Variants in PXDNL observed in about 807,000 individuals in gnomAD.
PXDNL encodes the protein probable oxidoreductase PXDNL.
PXDNL carries 145 observed loss-of-function variants against 150.8 expected under a neutral mutation model. The observed-to-expected ratio is 0.96, with a 90% confidence interval of 0.84 to 1.10. The LOEUF is 1.10. PXDNL is among the 50% of genes least tolerant of loss of function. The pLI, the probability that PXDNL is intolerant of heterozygous loss-of-function variation, is 0.00. For synonymous variants in PXDNL, 757 were observed against 725.7 expected (o/e 1.04, Z -0.69); for missense variants, 2,087 against 1,873.9 (o/e 1.11, Z -2.10).
intron 4 of PXDNL, among the ~76,000 whole-genome samples, chr8:51,549,040 G>A (rs902212895): frequency 3.3e-5 from 5 of 152,016 alleles, no homozygotes; most frequent in Non-Finnish European, 5.9e-5. Context: ...TCTTACATCA[G>A]ACAAAACACA....
intron 8 of PXDNL, among the ~76,000 whole-genome samples, chr8:51,458,595 A>G (rs746632645): frequency 3.3e-5 from 5 of 152,200 alleles, no homozygotes; most frequent in Non-Finnish European, 5.9e-5. Context: ...GTCACCCATA[A>G]AAACATCATT....
At chr8:51,641,633 A>C (rs1814758174) in intron 2 of PXDNL, among the ~76,000 whole-genome samples, 1 of 151,330 alleles carries the variant, frequency 6.6e-6, no homozygotes, top group Non-Finnish European at 1.5e-5. Flanking sequence ...CATCAGAGAA[A>C]TGCAAATCAA....
chr8:51,476,047 T>C (rs555560137), intron 6 of PXDNL, among the ~76,000 whole-genome samples: 163 of 152,158 alleles, frequency 1.1e-3, no homozygotes, highest in Non-Finnish European at 1.9e-3. Context: ...CAGTGAGCTA[T>C]GAAGGCACCA....
Position 51,447,035 on chromosome 8 carries a change from C to A in PXDNL, c.1494G>T (p.Lys498Asn), listed in dbSNP as rs1196196559. 1 of 1,613,638 alleles carries A rather than the reference C, an allele frequency of 6.2e-7. No individual in the cohort carries two copies. Among genetic ancestry groups the A allele is most frequent in the Non-Finnish European group, 8.5e-7 (1 of 1,179,828 alleles). ...CQAVSSLGVK[K>N]VSVQLTVKPK... ...GTTTTACAGTCAGCTGCACAGACACCTTTTTCACCCCCAACGAACTGACTG... is the reference window on the plus strand; with the variant it reads ...GTTTTACAGTCAGCTGCACAGACACATTTTTCACCCCCAACGAACTGACTG... The change falls in exon 12 of 23, where the codon AAG becomes AAT. Residue 498 changes from lysine (K) to asparagine (N), a missense_variant. Physicochemically the swap from Lys to Asn is moderately conservative, Grantham distance 94. Transcript: ENST00000356297.
In PXDNL at chr8:51,780,556, C is replaced by T. The variant is rs368382552; in HGVS notation, c.164+28625G>A. On this transcript the variant is annotated intron_variant, in intron 1 of 22. Coordinates refer to ENST00000356297, the MANE Select transcript of PXDNL (RefSeq NM_144651.5). Reference sequence around the variant, plus strand: ...GCTGCTGTAATAAACTACTACCATACGCTGAGTAGCTTATAAACGCATCTT... The same window carrying T: ...GCTGCTGTAATAAACTACTACCATATGCTGAGTAGCTTATAAACGCATCTT... 2.1e-3 allele frequency among the ~76,000 whole-genome samples: 317 copies of T among 151,582 alleles called. 2 individuals carry two copies. Among genetic ancestry groups the T allele is most frequent in the African/African-American group, 7.2e-3 (299 of 41,348 alleles).
intron 2 of PXDNL, among the ~76,000 whole-genome samples, chr8:51,600,988 CTT>C (rs532789480): frequency 0.011 from 1,535 of 142,574 alleles, 13 homozygotes; most frequent in South Asian, 0.025. Flanking sequence ...TTAATTATAT[CTT>C]ATATAAATTA....
At chr8:51,663,654 A>G (rs1815322621) in intron 1 of PXDNL, among the ~76,000 whole-genome samples, 1 of 152,134 alleles carries the variant, frequency 6.6e-6, no homozygotes, top group African/African-American at 2.4e-5. Context: ...GTAAACTGAG[A>G]AAACCTGGAT....
chr8:51,556,086 A>G (rs1310949773), intron 4 of PXDNL, among the ~76,000 whole-genome samples: 22 of 152,030 alleles, frequency 1.4e-4, no homozygotes, highest in Non-Finnish European at 1.0e-4. Flanking sequence ...AGACTGGCCA[A>G]TGTGGTGAAA....
intron 3 of PXDNL, among the ~76,000 whole-genome samples, chr8:51,578,907 C>G (rs1403566929): frequency 6.6e-6 from 1 of 151,952 alleles, no homozygotes; most frequent in Non-Finnish European, 1.5e-5. Context: ...ACATTCATGG[C>G]AAAAACACGA....
At chr8:51,800,269 AAT>A (rs1377962258) in intron 1 of PXDNL, among the ~76,000 whole-genome samples, 2 of 152,178 alleles carry the variant, frequency 1.3e-5, no homozygotes, top group Non-Finnish European at 2.9e-5. Context: ...CCCAACATAA[AAT>A]ATGTTGGTAT....
At chr8:51,386,937 T>C (rs535909542) in intron 17 of PXDNL, among the ~76,000 whole-genome samples, 5 of 152,256 alleles carry the variant, frequency 3.3e-5, no homozygotes, top group African/African-American at 1.2e-4. Flanking sequence ...TTCATTTATG[T>C]CCTCAAAACT....
intron 14 of PXDNL, among the ~76,000 whole-genome samples, chr8:51,418,467 G>A (rs1376289893): frequency 2.0e-5 from 3 of 152,098 alleles, no homozygotes; most frequent in Non-Finnish European, 1.5e-5. Context: ...TTATAACTCT[G>A]CAACAACTTC....
intron 2 of PXDNL, among the ~76,000 whole-genome samples, chr8:51,652,459 AC>A (rs1563496484): frequency 3.2e-4 from 48 of 149,804 alleles, no homozygotes; most frequent in Admixed American, 6.0e-4. Flanking sequence ...ACACACACAC[AC>A]AAACACACAC....
chr8:51,794,407 C>G (rs557447993), intron 1 of PXDNL, among the ~76,000 whole-genome samples: 1 of 152,094 alleles, frequency 6.6e-6, no homozygotes, highest in East Asian at 1.9e-4. Context: ...GTTAAAGGCA[C>G]CTGGAGAGAA....
intron 4 of PXDNL, among the ~76,000 whole-genome samples, chr8:51,545,709 C>T (rs1812344997): frequency 6.6e-6 from 1 of 152,168 alleles, no homozygotes. Context: ...AACCCAATCC[C>T]AAGATGTGGA....
chr8:51,769,499 A>T (rs1360369669), intron 1 of PXDNL, among the ~76,000 whole-genome samples: 5 of 152,188 alleles, frequency 3.3e-5, no homozygotes, highest in Non-Finnish European at 7.3e-5. Flanking sequence ...ATTCTGGTTC[A>T]TGATATTTGG....
chr8:51,509,816 G>A (rs566746283), intron 4 of PXDNL, among the ~76,000 whole-genome samples: 2 of 148,812 alleles, frequency 1.3e-5, no homozygotes, highest in African/African-American at 2.5e-5. Flanking sequence ...ATACATATAC[G>A]TGTGTGTGTG....
intron 17 of PXDNL, among the ~76,000 whole-genome samples, chr8:51,401,335 G>A (rs1352595954): frequency 6.6e-6 from 1 of 152,204 alleles, no homozygotes; most frequent in African/African-American, 2.4e-5. Context: ...CTAGGAGAGA[G>A]CCTTCATCAG....
chr8:51,519,727 C>T (rs1811619019), intron 4 of PXDNL, among the ~76,000 whole-genome samples: 1 of 152,098 alleles, frequency 6.6e-6, no homozygotes, highest in Non-Finnish European at 1.5e-5. Flanking sequence ...TGTGTAAGTG[C>T]CGAAAGGGTG....
Sources: allele counts gnomAD v4.1 joint callset (sites outside exome capture counted in the v4.1 genomes callset), GRCh38; gene constraint gnomAD v4.1.1; transcripts MANE v1.5; gene names NCBI Gene and HGNC (gene_info 2026-07-23, HGNC 2026-07-21).